The following RNF111 variants were observed in gnomAD, a reference collection of about 807,000 sequenced individuals.
RNF111 encodes ring finger protein 111.
Under a neutral mutation model 95.1 loss-of-function variants are expected in RNF111, and 17 were observed. The observed-to-expected ratio is 0.18, with a 90% confidence interval of 0.12 to 0.27. The LOEUF is 0.27. Among genes scored for constraint, RNF111 ranks in the 10% least tolerant of loss-of-function variants. The pLI, the probability that RNF111 is intolerant of heterozygous loss-of-function variation, is 1.00. For missense variants in RNF111, 1,189 were observed against 1,210.4 expected (o/e 0.98, Z 0.26); for synonymous variants, 440 against 414.8 (o/e 1.06, Z -0.74).
Position 59,017,530 on chromosome 15 carries a change from T to A in RNF111, c.-19-13274T>A, listed in dbSNP as rs564269450. ...AACATCAATTGTCTTTAGGTTTGGC[T>A]TCTATCACTTTAAAAGAGAGAACTC... is the stretch of plus-strand genomic sequence containing the variant. On this transcript the variant is annotated intron_variant, in intron 1 of 13. Transcript: ENST00000348370. Among the ~76,000 whole-genome samples, 6 of 152,350 alleles carry A rather than the reference T, an allele frequency of 3.9e-5. No homozygotes were observed. The South Asian group carries it at 1.2e-3, about 32-fold the overall frequency.
intron 1 of RNF111, among the ~76,000 whole-genome samples, chr15:59,007,096 AC>A (rs1668985633): frequency 6.6e-6 from 1 of 152,172 alleles, no homozygotes; most frequent in Admixed American, 6.5e-5. Flanking sequence ...AACTTTACAT[AC>A]GGTGAAATGC....
rs192547180 is a variant in RNF111, at chr15:59,018,563, A to G, written c.-19-12241A>G. Among the ~76,000 whole-genome samples the G allele has an allele frequency of 1.6e-4, 24 of 152,352 alleles. No homozygotes were observed. In the East Asian group the frequency reaches 3.9e-3, roughly 24 times the overall value. On this transcript the variant is annotated intron_variant, in intron 1 of 13. Transcript: ENST00000348370. ...TGGTTACTTTTTAGAAAAAAAACAAACTATATATACAGAAACTTATAAAGG... is the reference window on the plus strand; with the variant it reads ...TGGTTACTTTTTAGAAAAAAAACAAGCTATATATACAGAAACTTATAAAGG...
chr15:59,004,302 G>A (rs1596049094), intron 1 of RNF111: 1 of 225,926 alleles, frequency 4.4e-6, no homozygotes, highest in South Asian at 8.5e-5. Flanking sequence ...GAAGGAACTT[G>A]CTGTTTAGGT....
intron 8 of RNF111, among the ~76,000 whole-genome samples, chr15:59,082,137 T>C (rs908925872): frequency 6.6e-6 from 1 of 152,228 alleles, no homozygotes; most frequent in Non-Finnish European, 1.5e-5. Flanking sequence ...AAATTGATTC[T>C]TTGCTAACGA....
At chr15:59,011,285 C>T (rs149135779) in intron 1 of RNF111, among the ~76,000 whole-genome samples, 212 of 152,320 alleles carry the variant, frequency 1.4e-3, no homozygotes, top group African/African-American at 4.5e-3. Context: ...GTGCATACCT[C>T]TATCATAACA....
At chr15:59,007,394 C>A (rs528994551) in intron 1 of RNF111, among the ~76,000 whole-genome samples, 7 of 152,138 alleles carry the variant, frequency 4.6e-5, no homozygotes, top group African/African-American at 1.7e-4. Context: ...CGTATTGATA[C>A]ATGTATCAGT....
chr15:59,085,533 A>C (rs745603584), intron 9 of RNF111, 126 bp from the exon 10 acceptor site: 6 of 804,890 alleles, frequency 7.5e-6, no homozygotes, highest in Non-Finnish European at 1.0e-5. Flanking sequence ...GGGCTAAATT[A>C]TCTTTCCTCA....
chr15:59,011,629 T>G (rs1407234511), intron 1 of RNF111, among the ~76,000 whole-genome samples: 1 of 152,216 alleles, frequency 6.6e-6, no homozygotes, highest in Non-Finnish European at 1.5e-5. Context: ...TGTTCTCACA[T>G]AATCTTTTTT....
chr15:59,085,909 C>T, intron 10 of RNF111, 124 bp downstream of exon 10: 1 of 853,874 alleles, frequency 1.2e-6, no homozygotes, highest in Non-Finnish European at 1.7e-6. Flanking sequence ...ATCTTGTTAG[C>T]TAAAATTGTG....
intron 6 of RNF111, among the ~76,000 whole-genome samples, chr15:59,068,336 G>C (rs1353453831): frequency 1.3e-5 from 2 of 152,242 alleles, no homozygotes; most frequent in Non-Finnish European, 2.9e-5. Flanking sequence ...GGCTGGCATG[G>C]TGGCTCACGC....
chr15:58,991,394 G>C (rs1023279548), intron 1 of RNF111, among the ~76,000 whole-genome samples: 24 of 152,208 alleles, frequency 1.6e-4, no homozygotes, highest in Admixed American at 5.2e-4. Context: ...AATGTCTCAT[G>C]TTCTAGGCAC....
intron 1 of RNF111, among the ~76,000 whole-genome samples, chr15:59,007,957 C>A (rs1190242179): frequency 6.6e-6 from 1 of 152,088 alleles, no homozygotes; most frequent in Non-Finnish European, 1.5e-5. Flanking sequence ...ACCAGCTTGT[C>A]CTTTTGTTTT....
chr15:59,047,323 C>A (rs2041760245), intron 2 of RNF111, among the ~76,000 whole-genome samples: 2 of 152,042 alleles, frequency 1.3e-5, no homozygotes, highest in South Asian at 4.1e-4. Flanking sequence ...TATGAGATCT[C>A]ATTTGTATGA....
At chr15:59,067,220 C>T in intron 6 of RNF111, 137 bp downstream of exon 6, 1 of 724,718 alleles carries the variant, frequency 1.4e-6, no homozygotes, top group East Asian at 2.8e-5. Flanking sequence ...GCTTTCTTCC[C>T]TCCCTGCCTC....
At chr15:58,996,662 T>C (rs1189743618) in intron 1 of RNF111, among the ~76,000 whole-genome samples, 7 of 147,722 alleles carry the variant, frequency 4.7e-5, no homozygotes, top group Admixed American at 2.7e-4. Context: ...TTTTTTTTTT[T>C]TTTTTTTTTT....
At chr15:59,018,917 G>T (rs535019596) in intron 1 of RNF111, among the ~76,000 whole-genome samples, 1 of 151,740 alleles carries the variant, frequency 6.6e-6, no homozygotes, top group Admixed American at 6.6e-5. Context: ...CTGTATATTT[G>T]TTTCTTTTCT....
At chr15:59,042,745 G>T (rs1478494090) in intron 2 of RNF111, among the ~76,000 whole-genome samples, 1 of 151,956 alleles carries the variant, frequency 6.6e-6, no homozygotes, top group African/African-American at 2.4e-5. Flanking sequence ...CATGCATTTG[G>T]GCCTGTTTAT....
At chr15:59,017,534 A>G (rs1165275658) in intron 1 of RNF111, among the ~76,000 whole-genome samples, 1 of 152,192 alleles carries the variant, frequency 6.6e-6, no homozygotes, top group Admixed American at 6.5e-5. Context: ...TTTGGCTTCT[A>G]TCACTTTAAA....
chr15:58,997,222 A>T (rs1457423011), intron 1 of RNF111, among the ~76,000 whole-genome samples: 3 of 152,166 alleles, frequency 2.0e-5, no homozygotes, highest in Non-Finnish European at 4.4e-5. Context: ...CTGAAGATGT[A>T]TCTCTTTCCT....
Sources: gnomAD v4.1 joint callset for allele counts (sites outside exome capture counted in the v4.1 genomes callset) on GRCh38, gnomAD v4.1.1 for gene constraint, MANE v1.5 for transcripts, NCBI Gene and HGNC (gene_info 2026-07-23, HGNC 2026-07-21) for gene names.